The following C3orf49 variants were observed in gnomAD, a reference collection of about 807,000 sequenced individuals.
The protein encoded by C3orf49 is putative uncharacterized protein C3orf49.
A neutral mutation model predicts 13.3 loss-of-function variants in C3orf49; 27 were observed. The observed-to-expected ratio is 2.02, with a 90% CI of 1.49 to 2.79. C3orf49 has a LOEUF of 2.79. Ranked by LOEUF, C3orf49 falls within the 30% of genes most tolerant of loss-of-function variation. The pLI, the probability that C3orf49 is intolerant of heterozygous loss-of-function variation, is 0.00. For synonymous variants in C3orf49, 87 were observed against 47.6 expected, an observed-to-expected ratio of 1.83 and a Z score of -3.40; for missense variants, 242 against 134.2, an observed-to-expected ratio of 1.80 and a Z score of -3.97.
At chr3:63,799,607 T>C in the C3orf49 span, among the ~76,000 whole-genome samples, 1 of 152,182 alleles carries the variant, frequency 6.6e-6, no homozygotes, top group East Asian at 1.9e-4. Context: ...GACATTATTA[T>C]AAAGCCTATC....
At chr3:63,848,312 G>A (rs1420612559) in intron 6 of C3orf49, 52 bp from the exon 7 acceptor site, 1 of 151,986 alleles carries the variant, frequency 6.6e-6, no homozygotes, top group East Asian at 1.9e-4. Context: ...TCAGAACCTT[G>A]GCCTCCACAA....
chr3:63,805,958 T>C, the C3orf49 span, among the ~76,000 whole-genome samples: 20 of 152,306 alleles, frequency 1.3e-4, no homozygotes, highest in Non-Finnish European at 2.4e-4. Context: ...TGTTTTTTTA[T>C]ACTTTAAAAA....
chr3:63,823,766 TTG>T (rs55765936), intron 2 of C3orf49, among the ~76,000 whole-genome samples, 197 bp downstream of exon 2: 49,423 of 122,460 alleles, frequency 0.4, 9,726 homozygotes, highest in Middle Eastern at 0.51. Context: ...GTTCATACCG[TTG>T]TGTGTGTGTG....
chr3:63,837,275 A>G (rs1007107992), intron 5 of C3orf49, among the ~76,000 whole-genome samples: 6 of 151,990 alleles, frequency 3.9e-5, no homozygotes, highest in African/African-American at 1.2e-4. Flanking sequence ...CAAAATAACC[A>G]TTAACATTTT....
At chr3:63,786,902 T>G in the C3orf49 span, among the ~76,000 whole-genome samples, 1 of 152,144 alleles carries the variant, frequency 6.6e-6, no homozygotes, top group African/African-American at 2.4e-5. Flanking sequence ...AAGACAGCAG[T>G]GGAAGTCAGG....
At chr3:63,789,016 A>G in the C3orf49 span, among the ~76,000 whole-genome samples, 1 of 152,168 alleles carries the variant, frequency 6.6e-6, no homozygotes, top group Non-Finnish European at 1.5e-5. Context: ...ATCACTTACA[A>G]CAGGGGTTCC....
At chr3:63,838,139 AT>A (rs1444344425) in intron 5 of C3orf49, 1 of 1,327,734 alleles carries the variant, frequency 7.5e-7, no homozygotes, top group Admixed American at 2.2e-5. Context: ...GCATTTATAA[AT>A]TAACCTCTAT....
At position 63,823,418 on chromosome 3, in the gene C3orf49, T is replaced by A. The variant is rs763258382; in HGVS notation, c.294T>A (p.Tyr98Ter). The change falls in exon 2 of 7, where the codon TAT becomes TAA. Residue 98 changes from tyrosine (Y) to a stop codon, truncating the protein, a stop_gained. Coordinates refer to ENST00000295896, the MANE Select transcript of C3orf49 (RefSeq NM_001355236.2). LOFTEE classifies it high-confidence loss of function. ...TTGGGAGGATGCTGTCCTACAAGTA[T>A]AGAAGCAAGCCAGCATGTGCCAGCC... ...TAFGRMLSYK[Y>*]RSKPACASQE... 1 of 703,184 alleles carries A rather than the reference T, an allele frequency of 1.4e-6. No homozygotes were observed. Among genetic ancestry groups the A allele is most frequent in the South Asian group, 1.5e-5 (1 of 67,600 alleles). The allele number at this position is 703,184 out of a possible 1,614,324, so 43.6% of individuals were successfully genotyped here. A position where few individuals can be genotyped will look rare whatever the true frequency, so the allele number is the denominator to read the frequency against.
intron 5 of C3orf49, among the ~76,000 whole-genome samples, chr3:63,840,533 T>C (rs974574970): frequency 7.2e-5 from 11 of 152,148 alleles, no homozygotes; most frequent in African/African-American, 1.2e-4. Flanking sequence ...CAAGGCTGCA[T>C]TGAGCCATGA....
intron 6 of C3orf49, among the ~76,000 whole-genome samples, chr3:63,847,814 A>G (rs1701931989): frequency 6.6e-6 from 1 of 152,226 alleles, no homozygotes; most frequent in Admixed American, 6.5e-5. Flanking sequence ...AAGTTTAATG[A>G]AGAAACTGTA....
intron 5 of C3orf49, among the ~76,000 whole-genome samples, chr3:63,835,892 G>A (rs970947615): frequency 6.6e-6 from 1 of 151,646 alleles, no homozygotes; most frequent in African/African-American, 2.4e-5. Flanking sequence ...TTTGAAAGGG[G>A]GTTCTAACTT....
intron 1 of C3orf49, among the ~76,000 whole-genome samples, chr3:63,820,191 A>C (rs537874392): frequency 2.8e-4 from 43 of 152,256 alleles, no homozygotes; most frequent in Admixed American, 9.8e-4. Flanking sequence ...CTTCTCTCTT[A>C]CCAGGTCCAT....
chr3:63,800,543 T>C, the C3orf49 span, among the ~76,000 whole-genome samples: 1 of 152,204 alleles, frequency 6.6e-6, no homozygotes, highest in African/African-American at 2.4e-5. Flanking sequence ...ATGAGATTTA[T>C]ACATTTAAAC....
the C3orf49 span, chr3:63,782,867 A>G: frequency 6.6e-6 from 1 of 152,238 alleles, no homozygotes; most frequent in East Asian, 1.9e-4. Flanking sequence ...TGATGTTTCA[A>G]TTTTGAAAAC....
At position 63,819,612 on chromosome 3, in the gene C3orf49, T is replaced by C. The variant is rs1457287686; in HGVS notation, c.125+16T>C. Reference sequence around the variant, plus strand: ...GGATAGAAAGGTAACAGAGATTCATTTCCTTTTCTGTCAAATGAGAGTCTT... The same window carrying C: ...GGATAGAAAGGTAACAGAGATTCATCTCCTTTTCTGTCAAATGAGAGTCTT... On this transcript the variant is annotated intron_variant, in intron 1 of 6. Transcript: ENST00000295896. 1 of 703,072 alleles carries C rather than the reference T, an allele frequency of 1.4e-6. No individual in the cohort carries two copies. The highest frequency in any genetic ancestry group is 2.6e-6 in the Non-Finnish European group (1 of 384,864). The allele number at this position is 703,072 out of a possible 1,614,324, so 43.6% of individuals were successfully genotyped here. A position where few individuals can be genotyped will look rare whatever the true frequency, so the allele number is the denominator to read the frequency against.
chr3:63,846,252 G>A (rs1701892369), intron 6 of C3orf49: 2 of 443,956 alleles, frequency 4.5e-6, no homozygotes, highest in Non-Finnish European at 4.5e-6. Flanking sequence ...CCTTATAAGA[G>A]AATCGTCTGA....
the C3orf49 span, among the ~76,000 whole-genome samples, chr3:63,795,507 C>T: frequency 6.6e-6 from 1 of 152,152 alleles, no homozygotes; most frequent in Non-Finnish European, 1.5e-5. Context: ...CGACCCTCTA[C>T]CAGTGACAGC....
the C3orf49 span, among the ~76,000 whole-genome samples, chr3:63,788,201 C>G: frequency 6.6e-6 from 1 of 152,014 alleles, no homozygotes; most frequent in Non-Finnish European, 1.5e-5. Context: ...TCATTTAACC[C>G]TTGAGATAAT....
At chr3:63,783,238 C>A in the C3orf49 span, 1 of 152,104 alleles carries the variant, frequency 6.6e-6, no homozygotes, top group African/African-American at 2.4e-5. Context: ...ACTATTAAGA[C>A]CAAACTGACT....
Sources: allele counts gnomAD v4.1 joint callset (sites outside exome capture counted in the v4.1 genomes callset), GRCh38; gene constraint gnomAD v4.1.1; transcripts MANE v1.5; gene names NCBI Gene and HGNC (gene_info 2026-07-23, HGNC 2026-07-21).